Variants in CABLES1 observed in about 807,000 individuals in gnomAD.
CABLES1 encodes the protein Cdk5 and Abl enzyme substrate 1, also known as CDK5 and ABL1 enzyme substrate 1.
CABLES1 carries 36 observed loss-of-function variants against 57.8 expected under a neutral mutation model. The ratio of observed to expected loss-of-function variants is 0.62; its 90% CI spans 0.48 to 0.82. The LOEUF is 0.82. CABLES1 is among the 40% of genes least tolerant of loss of function. The pLI, the probability that CABLES1 is intolerant of heterozygous loss-of-function variation, is 0.00. For synonymous variants in CABLES1, 374 were observed against 363.0 expected (o/e 1.03, Z -0.35); for missense variants, 767 against 836.6 (o/e 0.92, Z 1.03).
chr18:23,246,477 C>T (rs911847448), intron 7 of CABLES1, among the ~76,000 whole-genome samples: 199 of 152,094 alleles, frequency 1.3e-3, no homozygotes, highest in African/African-American at 3.4e-3. Flanking sequence ...CTGCAAGCTC[C>T]GCCTCCCGGG....
chr18:23,176,956 C>T (rs2047127476), intron 1 of CABLES1, among the ~76,000 whole-genome samples: 3 of 152,068 alleles, frequency 2.0e-5, no homozygotes, highest in Admixed American at 6.6e-5. Context: ...TGAGGACCCC[C>T]GCCTGAGCCC....
At chr18:23,170,075 G>A (rs2047071625) in intron 1 of CABLES1, among the ~76,000 whole-genome samples, 1 of 152,170 alleles carries the variant, frequency 6.6e-6, no homozygotes, top group Non-Finnish European at 1.5e-5. Context: ...TTCTAAGAGC[G>A]GGACCTCAGA....
chr18:23,214,347 C>G (rs951031255), intron 4 of CABLES1: 2 of 267,608 alleles, frequency 7.5e-6, no homozygotes, highest in South Asian at 1.6e-4. Context: ...CCACCATATT[C>G]CACAGGGCCA....
At chr18:23,169,504 A>G (rs1446489877) in intron 1 of CABLES1, among the ~76,000 whole-genome samples, 2 of 152,192 alleles carry the variant, frequency 1.3e-5, no homozygotes, top group Non-Finnish European at 2.9e-5. Flanking sequence ...AACACCAGAC[A>G]TTTCACAGAG....
intron 1 of CABLES1, among the ~76,000 whole-genome samples, chr18:23,157,916 A>G (rs1039426395): frequency 1.4e-4 from 22 of 152,146 alleles, no homozygotes; most frequent in Admixed American, 1.1e-3. Flanking sequence ...TGGCTTTGCT[A>G]TTCTCCACGT....
intron 4 of CABLES1, among the ~76,000 whole-genome samples, chr18:23,227,972 A>G (rs915004533): frequency 2.0e-5 from 3 of 152,200 alleles, no homozygotes; most frequent in Non-Finnish European, 4.4e-5. Flanking sequence ...TTGGGCTTAG[A>G]GCACCATTAG....
At chr18:23,233,087 T>C (rs1259931203) in intron 4 of CABLES1, among the ~76,000 whole-genome samples, 2 of 152,106 alleles carry the variant, frequency 1.3e-5, no homozygotes, top group African/African-American at 2.4e-5. Context: ...CTGAGGTGCC[T>C]TTGACTAACA....
intron 2 of CABLES1, among the ~76,000 whole-genome samples, chr18:23,191,979 A>G (rs781701095): frequency 2.7e-5 from 4 of 148,486 alleles, no homozygotes; most frequent in Non-Finnish European, 4.5e-5. Flanking sequence ...GAAGGGCTAG[A>G]TTAGTAAGGT....
intron 9 of CABLES1, 96 bp from the exon 10 acceptor site, chr18:23,257,131 G>A (rs2048187489): frequency 1.5e-6 from 2 of 1,378,696 alleles, no homozygotes; most frequent in Admixed American, 3.9e-5. Context: ...TTTCTCCTGA[G>A]CACTCACTGG....
At chr18:23,148,038 G>C (rs1041586754) in intron 1 of CABLES1, among the ~76,000 whole-genome samples, 1 of 143,132 alleles carries the variant, frequency 7.0e-6, no homozygotes, top group African/African-American at 2.6e-5. Context: ...TGCCCAGGCT[G>C]GAGTGCAGCG....
chr18:23,136,193 C>T lies in CABLES1; in HGVS notation c.431C>T (p.Ser144Leu). The stretch of plus-strand genomic sequence containing the variant: ...TCCGGCCCCTGCCTCCCACAGCCCT[C>T]GTCGCTGCCGCCCTTGATTCCTGGC... ...AGSGPCLPQP[S>L]SLPPLIPGGH... The change falls in exon 1 of 10, where the codon TCG becomes TTG. Residue 144 changes from serine to leucine, a missense_variant. By Grantham distance (145) the Ser-to-Leu change is moderately radical. Coordinates refer to ENST00000256925, the MANE Select transcript of CABLES1 (RefSeq NM_001100619.3). The T allele has an allele frequency of 1.6e-6, 2 of 1,245,140 alleles. No individual in the cohort carries two copies. Among genetic ancestry groups the T allele is most frequent in the Non-Finnish European group, 2.0e-6 (2 of 997,328 alleles). The allele number at this position is 1,245,140 out of a possible 1,614,324, so 77.1% of individuals were successfully genotyped here. A position where few individuals can be genotyped will look rare whatever the true frequency, so the allele number is the denominator to read the frequency against.
intron 1 of CABLES1, among the ~76,000 whole-genome samples, chr18:23,164,845 C>T (rs2047030481): frequency 6.6e-6 from 1 of 152,134 alleles, no homozygotes; most frequent in African/African-American, 2.4e-5. Flanking sequence ...GATCTTGGCT[C>T]ACTGCAACCT....
At chr18:23,220,958 C>G (rs1367708994) in intron 4 of CABLES1, among the ~76,000 whole-genome samples, 2 of 152,128 alleles carry the variant, frequency 1.3e-5, no homozygotes, top group African/African-American at 4.8e-5. Flanking sequence ...TGCACTGGCT[C>G]TCTGCAGAGG....
intron 1 of CABLES1, among the ~76,000 whole-genome samples, chr18:23,179,345 C>T (rs954397107): frequency 2.0e-5 from 3 of 152,208 alleles, no homozygotes; most frequent in Admixed American, 2.0e-4. Context: ...AACCATCCCT[C>T]CTTTTCTTAA....
At chr18:23,214,409 G>A (rs530962125) in intron 4 of CABLES1, among the ~76,000 whole-genome samples, 4 of 152,168 alleles carry the variant, frequency 2.6e-5, no homozygotes, top group Non-Finnish European at 5.9e-5. Flanking sequence ...AACAAACCCT[G>A]TGACCATTCC....
At chr18:23,182,432 C>T (rs914043000) in intron 1 of CABLES1, among the ~76,000 whole-genome samples, 2 of 152,204 alleles carry the variant, frequency 1.3e-5, no homozygotes, top group Non-Finnish European at 2.9e-5. Flanking sequence ...AGAAGGTTCT[C>T]ACCCGCCTTT....
At chr18:23,246,580 ATGG>A (rs2047893958) in intron 7 of CABLES1, among the ~76,000 whole-genome samples, 1 of 151,582 alleles carries the variant, frequency 6.6e-6, no homozygotes, top group Non-Finnish European at 1.5e-5. Context: ...TTTAGTAGAG[ATGG>A]GGTTTCACCG....
chr18:23,155,900 T>G (rs2144967538), intron 1 of CABLES1: 1 of 1,614,044 alleles, frequency 6.2e-7, no homozygotes, highest in East Asian at 2.2e-5. Context: ...CCTCCTTCCT[T>G]GAATGCTTTC....
At chr18:23,256,469 G>C (rs901605531) in intron 9 of CABLES1, among the ~76,000 whole-genome samples, 1 of 152,098 alleles carries the variant, frequency 6.6e-6, no homozygotes, top group Admixed American at 6.5e-5. Context: ...TGTCGTGCGT[G>C]GTTTGCTTTA....
Sources: gnomAD v4.1 joint callset for allele counts (sites outside exome capture counted in the v4.1 genomes callset) on GRCh38, gnomAD v4.1.1 for gene constraint, MANE v1.5 for transcripts, NCBI Gene and HGNC (gene_info 2026-07-23, HGNC 2026-07-21) for gene names.